CACNA2D3: variants seen among roughly 807,000 people sequenced by gnomAD.
CACNA2D3 encodes voltage-dependent calcium channel subunit alpha-2/delta-3.
Under a neutral mutation model 160.6 loss-of-function variants are expected in CACNA2D3, and 60 were observed. The observed-to-expected ratio is 0.37, with a 90% CI of 0.30 to 0.46. CACNA2D3 has a LOEUF of 0.46. Ranked by LOEUF, CACNA2D3 falls within the 20% of genes least tolerant of loss-of-function variation. The probability of loss-of-function intolerance (pLI) is 1.00; values close to 1 mark genes in which losing one functional copy is unlikely to be tolerated. For synonymous variants in CACNA2D3, 558 were observed against 492.9 expected, an observed-to-expected ratio of 1.13 and a Z score of -1.75; for missense variants, 1,205 against 1,365.0, an observed-to-expected ratio of 0.88 and a Z score of 1.85.
chr3:54,622,583 G>GT lies in CACNA2D3; in HGVS notation c.964-5190dup, dbSNP rs34935973. Among the ~76,000 whole-genome samples the GT allele has an allele frequency of 4.3e-3, 360 of 83,456 alleles. 1 individual carries two copies. Among genetic ancestry groups the GT allele is most frequent in the Non-Finnish European group, 9.6e-3 (286 of 29,886 alleles). The allele number at this position is 83,456 out of a possible 152,430, so 54.8% of individuals were successfully genotyped here. A position where few individuals can be genotyped will look rare whatever the true frequency, so the allele number is the denominator to read the frequency against. On this transcript the variant is annotated intron_variant, in intron 9 of 37. Transcript: ENST00000474759. Reference sequence around the variant, plus strand: ...AGCCACTGCACCTGGCCAGTTTTTGGTTTTTTTTTTTTTTAAATCAGAGTT... The same window carrying GT: ...AGCCACTGCACCTGGCCAGTTTTTGGTTTTTTTTTTTTTTTAAATCAGAGTT...
At position 54,772,276 on chromosome 3, in the gene CACNA2D3, G is replaced by C. The variant is rs140145758; in HGVS notation, c.1380+7925G>C. Among the ~76,000 whole-genome samples, 38 of 151,216 alleles carry C rather than the reference G, an allele frequency of 2.5e-4. No individual in the cohort carries two copies. The East Asian group carries it at 7.4e-3, about 29-fold the overall frequency. Reference sequence around the variant, plus strand: ...TTTGCTTGACTCATCAGTTTTTGTGGCTGAAAACCCAGCAGCAGTAAATAT... The same window carrying C: ...TTTGCTTGACTCATCAGTTTTTGTGCCTGAAAACCCAGCAGCAGTAAATAT... On this transcript the variant is annotated intron_variant, in intron 13 of 37. Coordinates refer to ENST00000474759, the MANE Select transcript of CACNA2D3 (RefSeq NM_018398.3).
chr3:54,674,934 GA>G (rs1367954097), intron 11 of CACNA2D3, among the ~76,000 whole-genome samples: 1 of 152,126 alleles, frequency 6.6e-6, no homozygotes, highest in African/African-American at 2.4e-5. Flanking sequence ...CAGAGGCTAG[GA>G]TTTTAATATC....
chr3:54,911,113 G>A (rs1382523700), intron 27 of CACNA2D3, among the ~76,000 whole-genome samples: 2 of 151,972 alleles, frequency 1.3e-5, no homozygotes, highest in African/African-American at 2.4e-5. Flanking sequence ...AAATACGTCA[G>A]CCTACATCTT....
At chr3:54,926,556 T>C (rs1701027634) in intron 27 of CACNA2D3, among the ~76,000 whole-genome samples, 1 of 147,850 alleles carries the variant, frequency 6.8e-6, no homozygotes, top group African/African-American at 2.5e-5. Flanking sequence ...ACACACACTC[T>C]GTTTTACATA....
chr3:54,997,240 G>A (rs190495254), intron 31 of CACNA2D3, among the ~76,000 whole-genome samples: 1 of 152,240 alleles, frequency 6.6e-6, no homozygotes, highest in Admixed American at 6.5e-5. Context: ...GGTGAGAGGG[G>A]AAGAAACAAC....
At chr3:54,556,923 C>T (rs944453228) in intron 5 of CACNA2D3, among the ~76,000 whole-genome samples, 6 of 152,112 alleles carry the variant, frequency 3.9e-5, no homozygotes, top group East Asian at 1.9e-4. Context: ...TTTACTGTCC[C>T]GTGGGTTACT....
chr3:54,420,775 C>G (rs1156430285), intron 4 of CACNA2D3, among the ~76,000 whole-genome samples: 2 of 152,212 alleles, frequency 1.3e-5, no homozygotes, highest in East Asian at 1.9e-4. Context: ...GGAGGAAGTG[C>G]TGCACCTGGG....
chr3:54,227,467 T>G (rs894876336), intron 2 of CACNA2D3, among the ~76,000 whole-genome samples: 1 of 151,828 alleles, frequency 6.6e-6, no homozygotes, highest in African/African-American at 2.4e-5. Flanking sequence ...AAATTTGGTT[T>G]TTTGGTATTC....
chr3:54,155,092 T>G (rs1432223627), intron 2 of CACNA2D3, among the ~76,000 whole-genome samples: 1 of 152,240 alleles, frequency 6.6e-6, no homozygotes, highest in East Asian at 1.9e-4. Flanking sequence ...TGCCTGCTGA[T>G]GGCCATTAGC....
At chr3:54,872,221 T>C (rs1379311663) in intron 18 of CACNA2D3, among the ~76,000 whole-genome samples, 2 of 152,228 alleles carry the variant, frequency 1.3e-5, no homozygotes, top group Non-Finnish European at 2.9e-5. Context: ...TATGGTGCTC[T>C]ATCAAAAGCT....
chr3:54,896,647 A>C, intron 25 of CACNA2D3, 102 bp from the exon 26 acceptor site: 1 of 1,441,046 alleles, frequency 6.9e-7, no homozygotes, highest in Non-Finnish European at 9.7e-7. Context: ...GGGGTTCTAA[A>C]AGTGAACACT....
intron 2 of CACNA2D3, among the ~76,000 whole-genome samples, chr3:54,133,730 CAT>C (rs1196351162): frequency 6.6e-6 from 1 of 152,246 alleles, no homozygotes; most frequent in Non-Finnish European, 1.5e-5. Context: ...GCCCTCCCCT[CAT>C]GTGGTCTGAC....
intron 14 of CACNA2D3, among the ~76,000 whole-genome samples, chr3:54,819,019 C>T (rs1024799511): frequency 6.6e-6 from 1 of 152,138 alleles, no homozygotes; most frequent in African/African-American, 2.4e-5. Flanking sequence ...AAGTCTCCAC[C>T]TGGTAATGTA....
intron 4 of CACNA2D3, among the ~76,000 whole-genome samples, chr3:54,488,506 G>C (rs74633646): frequency 0.02 from 3,092 of 152,050 alleles, 84 homozygotes; most frequent in East Asian, 0.11. Flanking sequence ...CAATAGCCCA[G>C]GCCCTTGGAC....
intron 13 of CACNA2D3, among the ~76,000 whole-genome samples, chr3:54,816,032 T>C (rs1045995274): frequency 2.0e-5 from 3 of 152,146 alleles, no homozygotes; most frequent in Non-Finnish European, 2.9e-5. Context: ...TAGACAAATA[T>C]GTCTCGTAAA....
At position 54,846,185 on chromosome 3, in the gene CACNA2D3, A is replaced by G. The variant is rs187631778; in HGVS notation, c.1552-208A>G. Reference sequence around the variant, plus strand: ...GGGATGTGACATTTTAAATTGTGCTATTTGTTGAGCTTATCCTCTGACAGG... The same window carrying G: ...GGGATGTGACATTTTAAATTGTGCTGTTTGTTGAGCTTATCCTCTGACAGG... On this transcript the variant is annotated intron_variant, in intron 16 of 37. Coordinates refer to ENST00000474759, the MANE Select transcript of CACNA2D3 (RefSeq NM_018398.3). 1.4e-4 allele frequency among the ~76,000 whole-genome samples: 21 copies of G among 152,308 alleles called. No homozygotes were observed. In the East Asian group the frequency reaches 2.5e-3, roughly 18 times the overall value.
chr3:54,546,783 AG>A (rs1702072826), intron 5 of CACNA2D3, among the ~76,000 whole-genome samples: 1 of 152,160 alleles, frequency 6.6e-6, no homozygotes, highest in Admixed American at 6.5e-5. Flanking sequence ...TATAAATGGA[AG>A]GCCCATTCAT....
chr3:54,992,785 A>T (rs1213688828), intron 31 of CACNA2D3, among the ~76,000 whole-genome samples: 6 of 151,630 alleles, frequency 4.0e-5, no homozygotes, highest in Non-Finnish European at 8.8e-5. Context: ...AACAAGAAAA[A>T]AAAAAAAAAG....
intron 4 of CACNA2D3, among the ~76,000 whole-genome samples, chr3:54,401,576 C>G (rs947698488): frequency 6.6e-6 from 1 of 151,896 alleles, no homozygotes; most frequent in Non-Finnish European, 1.5e-5. Flanking sequence ...ACGTTGCAAG[C>G]CAGGAGAGAA....
Sources: allele counts gnomAD v4.1 joint callset (sites outside exome capture counted in the v4.1 genomes callset), GRCh38; gene constraint gnomAD v4.1.1; transcripts MANE v1.5; gene names NCBI Gene and HGNC (gene_info 2026-07-23, HGNC 2026-07-21).